The following TRAM1 variants were observed in gnomAD, a reference collection of about 807,000 sequenced individuals.
The protein encoded by TRAM1 is translocation associated membrane protein 1.
A neutral mutation model predicts 48.7 loss-of-function variants in TRAM1; 17 were observed. That is an observed-to-expected ratio of 0.35 (90% CI 0.24 to 0.52). TRAM1 has a LOEUF of 0.52. Among genes scored for constraint, TRAM1 ranks in the 20% least tolerant of loss-of-function variants. The pLI, the probability that TRAM1 is intolerant of heterozygous loss-of-function variation, is 0.94. For missense variants in TRAM1, 351 were observed against 441.5 expected (o/e 0.79, Z 1.84); for synonymous variants, 182 against 154.0 (o/e 1.18, Z -1.34).
At chr8:70,601,699 A>C (rs1817610476) in intron 1 of TRAM1, among the ~76,000 whole-genome samples, 1 of 152,262 alleles carries the variant, frequency 6.6e-6, no homozygotes, top group African/African-American at 2.4e-5. Flanking sequence ...ACCACATGAA[A>C]GATAATGAGA....
At chr8:70,576,956 T>C (rs753131099) in intron 10 of TRAM1, among the ~76,000 whole-genome samples, 1 of 152,184 alleles carries the variant, frequency 6.6e-6, no homozygotes, top group Non-Finnish European at 1.5e-5. Flanking sequence ...AGACTGACCC[T>C]GGGATTAGAG....
At chr8:70,585,515 C>A (rs1424897091) in intron 8 of TRAM1, among the ~76,000 whole-genome samples, 1 of 148,286 alleles carries the variant, frequency 6.7e-6, no homozygotes, top group Non-Finnish European at 1.5e-5. Flanking sequence ...AAAATTTTCA[C>A]AACCTACTCA....
intron 1 of TRAM1, chr8:70,606,987 TAC>T (rs1473758624): frequency 3.1e-6 from 3 of 953,612 alleles, no homozygotes; most frequent in Non-Finnish European, 3.7e-6. Flanking sequence ...ACTCTGGAAA[TAC>T]AGACTCGTAA....
At chr8:70,598,435 T>TA (rs1369624472) in intron 2 of TRAM1, among the ~76,000 whole-genome samples, 180 bp from the exon 3 acceptor site, 1 of 152,166 alleles carries the variant, frequency 6.6e-6, no homozygotes, top group East Asian at 1.9e-4. Context: ...AAATCAAAAC[T>TA]ATCTAGAAAT....
chr8:70,587,307 C>T, intron 6 of TRAM1, 131 bp from the exon 7 acceptor site: 1 of 796,260 alleles, frequency 1.3e-6, no homozygotes, highest in Non-Finnish European at 2.0e-6. Flanking sequence ...CCAACCTTGG[C>T]CTTCCAAAGG....
intron 1 of TRAM1, among the ~76,000 whole-genome samples, chr8:70,603,025 A>C (rs1817635505): frequency 6.6e-6 from 1 of 152,170 alleles, no homozygotes. Context: ...GGATACGGCC[A>C]GTAAAGTGAG....
chr8:70,582,589 C>G (rs1267675257), intron 10 of TRAM1, among the ~76,000 whole-genome samples: 1 of 150,262 alleles, frequency 6.7e-6, no homozygotes, highest in African/African-American at 2.4e-5. Flanking sequence ...AGGAGTAAAC[C>G]AGAGTGGACA....
chr8:70,607,539 C>G (rs1817768321), intron 1 of TRAM1: 1 of 964,248 alleles, frequency 1.0e-6, no homozygotes, highest in Non-Finnish European at 1.2e-6. Context: ...AATCTCGGAG[C>G]TACCGGGGGC....
chr8:70,581,794 G>A (rs952338648), intron 10 of TRAM1, among the ~76,000 whole-genome samples: 2 of 152,216 alleles, frequency 1.3e-5, no homozygotes, highest in African/African-American at 2.4e-5. Flanking sequence ...TTAATTGGCT[G>A]TAAAAATAAA....
intron 4 of TRAM1, 107 bp downstream of exon 4, chr8:70,597,788 C>A: frequency 1.3e-6 from 1 of 760,152 alleles, no homozygotes; most frequent in South Asian, 3.6e-5. Flanking sequence ...TAAAAAAATA[C>A]CTAAAACAGA....
intron 6 of TRAM1, among the ~76,000 whole-genome samples, chr8:70,592,593 T>G (rs1817389551): frequency 1.3e-5 from 2 of 152,228 alleles, no homozygotes. Context: ...GAAAAGAGCT[T>G]CAGGAACTAA....
intron 2 of TRAM1, among the ~76,000 whole-genome samples, chr8:70,598,517 G>A (rs1371988841): frequency 6.6e-6 from 1 of 152,100 alleles, no homozygotes; most frequent in Non-Finnish European, 1.5e-5. Flanking sequence ...AAAAAACAGG[G>A]AAGAGGAGGC....
chr8:70,582,289 A>T (rs1006141489), intron 10 of TRAM1, among the ~76,000 whole-genome samples: 13 of 143,218 alleles, frequency 9.1e-5, no homozygotes, highest in African/African-American at 3.3e-4. Context: ...AGGTTGTATA[A>T]TTTTTTTTTT....
chr8:70,576,567 GTAT>G (rs1816957322), intron 10 of TRAM1, among the ~76,000 whole-genome samples: 1 of 152,168 alleles, frequency 6.6e-6, no homozygotes, highest in Admixed American at 6.5e-5. Flanking sequence ...GTGAACAATA[GTAT>G]TATCTTTTTT....
chr8:70,594,525 T>C lies in TRAM1; in HGVS notation c.551A>G (p.Tyr184Cys), dbSNP rs376267115. 23 of 1,599,160 alleles carry C rather than the reference T, an allele frequency of 1.4e-5. No individual in the cohort carries two copies. In the African/African-American group the frequency reaches 2.6e-4, roughly 18 times the overall value. ...AYWLHAFPEL[Y>C]FQKTKKEDIP... ...GCTTACTTTTTTGGTTTTCTGGAAG[T>C]AGAGTTCAGGAAAAGCATGAAGCCA... The change falls in exon 6 of 11, where the codon TAC becomes TGC. Residue 184 changes from tyrosine (Y) to cysteine (C), a missense_variant. Tyr to Cys is a radical substitution (Grantham distance 194). Coordinates refer to ENST00000262213, the MANE Select transcript of TRAM1 (RefSeq NM_014294.6).
chr8:70,607,538 G>A, intron 1 of TRAM1: 1 of 964,610 alleles, frequency 1.0e-6, no homozygotes, highest in Non-Finnish European at 1.2e-6. Flanking sequence ...CAATCTCGGA[G>A]CTACCGGGGG....
chr8:70,596,376 A>G, intron 4 of TRAM1, 55 bp from the exon 5 acceptor site: 1 of 1,324,752 alleles, frequency 7.5e-7, no homozygotes, highest in Non-Finnish European at 1.0e-6. Flanking sequence ...CTTCTTGGAA[A>G]ATAAGGCATT....
chr8:70,587,715 G>C (rs1817257154), intron 6 of TRAM1: 1 of 152,296 alleles, frequency 6.6e-6, no homozygotes, highest in East Asian at 1.9e-4. Context: ...CACATTTTCA[G>C]CTCATGCTTT....
In TRAM1 at chr8:70,579,479, T is replaced by C. The variant is rs113796005; in HGVS notation, c.1051+3685A>G. 1.6e-3 allele frequency among the ~76,000 whole-genome samples: 244 copies of C among 152,330 alleles called. 1 individual carries two copies. The highest frequency in any genetic ancestry group is 4.3e-3 in the African/African-American group (179 of 41,584). On this transcript the variant is annotated intron_variant, in intron 10 of 10. Coordinates refer to ENST00000262213, the MANE Select transcript of TRAM1 (RefSeq NM_014294.6). ...TTGAAACTACCCCTGGTTTCAGGCATCCATTGGGGGTTTTGGAATGTATTC... is the reference window on the plus strand; with the variant it reads ...TTGAAACTACCCCTGGTTTCAGGCACCCATTGGGGGTTTTGGAATGTATTC...
Sources: gnomAD v4.1 joint callset for allele counts (sites outside exome capture counted in the v4.1 genomes callset) on GRCh38, gnomAD v4.1.1 for gene constraint, MANE v1.5 for transcripts, NCBI Gene and HGNC (gene_info 2026-07-23, HGNC 2026-07-21) for gene names.